Variants in GLIS3 observed in about 807,000 individuals in gnomAD.
GLIS3 encodes GLIS family zinc finger 3.
Under a neutral mutation model 78.6 loss-of-function variants are expected in GLIS3, and 53 were observed. That is an observed-to-expected ratio of 0.67 (90% CI 0.54 to 0.85). GLIS3 has a LOEUF of 0.85. Ranked by LOEUF, GLIS3 falls within the 40% of genes least tolerant of loss-of-function variation. The pLI is 0.00. For synonymous variants in GLIS3, 684 were observed against 509.9 expected (o/e 1.34, Z -4.60); for missense variants, 1,703 against 1,231.1 (o/e 1.38, Z -5.74).
At chr9:4,109,571 C>A (rs536600660) in intron 4 of GLIS3, among the ~76,000 whole-genome samples, 1 of 152,162 alleles carries the variant, frequency 6.6e-6, no homozygotes, top group Non-Finnish European at 1.5e-5. Flanking sequence ...TGGAGAAGAC[C>A]TGGGGAAGTC....
In GLIS3 at chr9:3,967,019, AAAAAAAAAAAAAAAC is replaced by A. The variant is rs1008411421; in HGVS notation, c.1711-29845_1711-29831del. 4.7e-4 allele frequency among the ~76,000 whole-genome samples: 65 copies of A among 138,076 alleles called. 1 individual carries two copies. The East Asian group carries it at 0.013, about 27-fold the overall frequency. 90.6% of individuals were successfully genotyped at this position (138,076 alleles called of 152,430 possible). On this transcript the variant is annotated intron_variant, in intron 4 of 10. Transcript: ENST00000381971. ...CAGACAATTTCTTTCTGCAAAAAAA[AAAAAAAAAAAAAAAC>A]AAAAAAACATTTTGAGGATTTCTCA... is the stretch of plus-strand genomic sequence containing the variant.
chr9:4,438,175 T>A, the GLIS3 span, among the ~76,000 whole-genome samples: 1 of 152,296 alleles, frequency 6.6e-6, no homozygotes, highest in South Asian at 2.1e-4. Flanking sequence ...TTTTGGAAAT[T>A]TATTTTCAAA....
intron 4 of GLIS3, chr9:4,306,030 T>C (rs1817219293): frequency 6.7e-6 from 1 of 150,206 alleles, no homozygotes; most frequent in African/African-American, 2.5e-5. Context: ...GCTCACCACC[T>C]AATAAATATT....
At chr9:4,094,010 C>T (rs1027930030) in intron 4 of GLIS3, among the ~76,000 whole-genome samples, 4 of 152,100 alleles carry the variant, frequency 2.6e-5, no homozygotes, top group South Asian at 2.1e-4. Flanking sequence ...TCATCATCCT[C>T]GTTGAATTCA....
chr9:4,308,143 T>C (rs985192092), intron 4 of GLIS3, among the ~76,000 whole-genome samples: 2 of 152,094 alleles, frequency 1.3e-5, no homozygotes, highest in Admixed American at 6.6e-5. Flanking sequence ...TCCAGGAGCA[T>C]TGTGGCTTGG....
chr9:4,154,707 G>C (rs1177635747), intron 2 of GLIS3, among the ~76,000 whole-genome samples: 2 of 152,140 alleles, frequency 1.3e-5, no homozygotes, highest in Non-Finnish European at 1.5e-5. Context: ...TCTGCCAGTA[G>C]ATTGAGTTGA....
At chr9:4,319,529 T>C (rs1238365998) in intron 2 of GLIS3, among the ~76,000 whole-genome samples, 1 of 134,584 alleles carries the variant, frequency 7.4e-6, no homozygotes. Context: ...ATCCAAATAC[T>C]AACACTTTTT....
the GLIS3 span, among the ~76,000 whole-genome samples, chr9:4,387,044 T>G: frequency 6.6e-6 from 1 of 152,176 alleles, no homozygotes; most frequent in Non-Finnish European, 1.5e-5. Flanking sequence ...TGTTGCATGA[T>G]CATCTGAAGC....
At chr9:4,289,762 T>C (rs1292301333) in intron 1 of GLIS3, among the ~76,000 whole-genome samples, 1 of 152,176 alleles carries the variant, frequency 6.6e-6, no homozygotes, top group Non-Finnish European at 1.5e-5. Flanking sequence ...AGTTTTATAC[T>C]ACATTGGTTC....
intron 9 of GLIS3, among the ~76,000 whole-genome samples, chr9:3,841,722 G>T (rs905958640): frequency 4.6e-5 from 7 of 152,134 alleles, no homozygotes; most frequent in Admixed American, 3.9e-4. Flanking sequence ...TCTATGAGGG[G>T]GAACACTGGT....
chr9:4,172,913 G>T (rs1026907339), intron 2 of GLIS3, among the ~76,000 whole-genome samples: 2 of 152,204 alleles, frequency 1.3e-5, no homozygotes, highest in Non-Finnish European at 2.9e-5. Flanking sequence ...ATGTAGGGAA[G>T]CAGGCCAGAT....
intron 1 of GLIS3, among the ~76,000 whole-genome samples, chr9:4,290,940 C>T (rs752680037): frequency 2.6e-5 from 4 of 152,026 alleles, no homozygotes; most frequent in Non-Finnish European, 4.4e-5. Flanking sequence ...TATGATAACC[C>T]ATAACAAGGT....
chr9:4,018,486 T>C (rs994978330), intron 4 of GLIS3, among the ~76,000 whole-genome samples: 7 of 152,192 alleles, frequency 4.6e-5, no homozygotes, highest in African/African-American at 1.4e-4. Context: ...TTGTTTATCA[T>C]CTTTGGAATT....
chr9:4,270,067 T>C (rs1563869359), intron 2 of GLIS3, among the ~76,000 whole-genome samples: 1 of 152,236 alleles, frequency 6.6e-6, no homozygotes, highest in Non-Finnish European at 1.5e-5. Flanking sequence ...ACCCTGGCTC[T>C]AGACACCTCT....
At chr9:4,227,223 G>C (rs1821849600) in intron 2 of GLIS3, among the ~76,000 whole-genome samples, 1 of 151,530 alleles carries the variant, frequency 6.6e-6, no homozygotes. Flanking sequence ...TCCATCCTGA[G>C]GCAGGTTATT....
chr9:4,006,288 C>T (rs896294078), intron 4 of GLIS3, among the ~76,000 whole-genome samples: 13 of 126,736 alleles, frequency 1.0e-4, no homozygotes, highest in Admixed American at 7.6e-4. Context: ...TTTTAACTAA[C>T]GTTACTCATA....
intron 2 of GLIS3, among the ~76,000 whole-genome samples, chr9:4,173,910 TAA>T (rs937384140): frequency 8.3e-6 from 1 of 120,690 alleles, no homozygotes; most frequent in Non-Finnish European, 1.8e-5. Flanking sequence ...AGTACCCAGT[TAA>T]AACACACACA....
At chr9:4,342,905 T>C (rs868761131) in intron 2 of GLIS3, among the ~76,000 whole-genome samples, 32 of 152,248 alleles carry the variant, frequency 2.1e-4, no homozygotes, top group African/African-American at 7.0e-4. Flanking sequence ...TTGGGCATTT[T>C]TGATTATAGA....
chr9:4,101,477 G>C (rs777996110), intron 4 of GLIS3, among the ~76,000 whole-genome samples: 71 of 152,252 alleles, frequency 4.7e-4, no homozygotes, highest in Non-Finnish European at 1.5e-4. Flanking sequence ...TCATTTGTCA[G>C]TGTCTATTAT....
Sources: allele counts gnomAD v4.1 joint callset (sites outside exome capture counted in the v4.1 genomes callset), GRCh38; gene constraint gnomAD v4.1.1; transcripts MANE v1.5; gene names NCBI Gene and HGNC (gene_info 2026-07-23, HGNC 2026-07-21).